Variants in CCSER1 observed in about 807,000 individuals in gnomAD.
The protein encoded by CCSER1 is coiled-coil serine rich protein 1.
A neutral mutation model predicts 82.0 loss-of-function variants in CCSER1; 41 were observed. The observed-to-expected ratio is 0.50, with a 90% CI of 0.39 to 0.65. The LOEUF is 0.65. Among genes scored for constraint, CCSER1 ranks in the 30% least tolerant of loss-of-function variants. CCSER1 has a pLI of 0.00. For synonymous variants in CCSER1, 414 were observed against 383.9 expected (o/e 1.08, Z -0.92); for missense variants, 1,119 against 1,064.2 (o/e 1.05, Z -0.72).
chr4:90,951,576 G>A (rs1398487165), intron 9 of CCSER1, among the ~76,000 whole-genome samples: 5 of 151,964 alleles, frequency 3.3e-5, no homozygotes, highest in Admixed American at 6.6e-5. Context: ...GGTTCACAAG[G>A]TTTTGTCAGA....
chr4:91,102,953 C>T (rs1725229345), intron 10 of CCSER1, among the ~76,000 whole-genome samples: 1 of 152,136 alleles, frequency 6.6e-6, no homozygotes, highest in African/African-American at 2.4e-5. Flanking sequence ...TGATACTTAT[C>T]ATATCATAGT....
intron 1 of CCSER1, among the ~76,000 whole-genome samples, chr4:90,130,305 C>G (rs1408171689): frequency 2.6e-5 from 4 of 152,078 alleles, no homozygotes; most frequent in Non-Finnish European, 5.9e-5. Flanking sequence ...GTTAACAACC[C>G]GTAACAATAA....
intron 1 of CCSER1, among the ~76,000 whole-genome samples, chr4:90,246,359 G>A (rs1314339479): frequency 6.6e-6 from 1 of 151,982 alleles, no homozygotes; most frequent in East Asian, 1.9e-4. Context: ...CTTTGTTTCT[G>A]TACTTATCAT....
At chr4:90,518,927 C>A (rs1413116471) in intron 5 of CCSER1, among the ~76,000 whole-genome samples, 1 of 151,706 alleles carries the variant, frequency 6.6e-6, no homozygotes, top group Non-Finnish European at 1.5e-5. Context: ...GTGTAGCAGA[C>A]AGTATTTGGG....
intron 1 of CCSER1, among the ~76,000 whole-genome samples, chr4:90,236,769 A>G (rs1396665851): frequency 2.0e-5 from 3 of 151,926 alleles, no homozygotes; most frequent in African/African-American, 2.4e-5. Context: ...ATGTAATTTT[A>G]TTAAAAAATT....
At chr4:90,433,276 G>A (rs1248234256) in intron 4 of CCSER1, among the ~76,000 whole-genome samples, 2 of 151,964 alleles carry the variant, frequency 1.3e-5, no homozygotes, top group Non-Finnish European at 2.9e-5. Flanking sequence ...AAGTGTTCGG[G>A]CCACCCTTGA....
chr4:90,169,466 A>G (rs1056391916), intron 1 of CCSER1, among the ~76,000 whole-genome samples: 10 of 151,978 alleles, frequency 6.6e-5, no homozygotes, highest in Non-Finnish European at 1.2e-4. Context: ...AATACCCTTT[A>G]TTTCCTTCTC....
chr4:90,596,559 A>G (rs1783368771), intron 5 of CCSER1, among the ~76,000 whole-genome samples: 1 of 151,920 alleles, frequency 6.6e-6, no homozygotes, highest in South Asian at 2.1e-4. Flanking sequence ...GTATCAGTTC[A>G]ATAAACTAGC....
chr4:91,454,546 C>T (rs1756045995), intron 10 of CCSER1, among the ~76,000 whole-genome samples: 1 of 151,954 alleles, frequency 6.6e-6, no homozygotes, highest in African/African-American at 2.4e-5. Flanking sequence ...GGCAAACTTC[C>T]TTTTGCCAAA....
At chr4:91,315,782 C>A (rs1335308057) in intron 10 of CCSER1, among the ~76,000 whole-genome samples, 1 of 152,006 alleles carries the variant, frequency 6.6e-6, no homozygotes, top group Non-Finnish European at 1.5e-5. Flanking sequence ...CAGTAGGCTT[C>A]ATACCAGACT....
chr4:91,463,986 T>C (rs1460347061), intron 10 of CCSER1, among the ~76,000 whole-genome samples: 1 of 152,080 alleles, frequency 6.6e-6, no homozygotes, highest in Non-Finnish European at 1.5e-5. Context: ...AACATTCAAA[T>C]TCAGGAAATA....
At chr4:90,767,363 A>AT (rs1252381988) in intron 7 of CCSER1, among the ~76,000 whole-genome samples, 4 of 152,094 alleles carry the variant, frequency 2.6e-5, no homozygotes, top group Non-Finnish European at 5.9e-5. Flanking sequence ...TGGATTTGCA[A>AT]TTTCACTGAT....
chr4:90,876,193 C>A (rs985437555), intron 8 of CCSER1, among the ~76,000 whole-genome samples: 7 of 152,046 alleles, frequency 4.6e-5, no homozygotes, highest in African/African-American at 1.4e-4. Context: ...TGTCTTTTCA[C>A]TCATCCCATT....
At chr4:91,164,025 C>T (rs1260107830) in intron 10 of CCSER1, among the ~76,000 whole-genome samples, 4 of 152,270 alleles carry the variant, frequency 2.6e-5, no homozygotes, top group East Asian at 1.9e-4. Flanking sequence ...TTCCAAGCAT[C>T]GATGGCCTTT....
At chr4:91,060,000 G>A (rs1343603719) in intron 9 of CCSER1, among the ~76,000 whole-genome samples, 1 of 151,960 alleles carries the variant, frequency 6.6e-6, no homozygotes, top group African/African-American at 2.4e-5. Context: ...TCATAGGTCA[G>A]GCTGCTGAGC....
intron 10 of CCSER1, among the ~76,000 whole-genome samples, chr4:91,087,339 A>G (rs368073278): frequency 1.3e-5 from 2 of 152,238 alleles, no homozygotes; most frequent in East Asian, 1.9e-4. Context: ...GCATTGCTAA[A>G]TGGTGCCAAA....
chr4:90,128,014 C>G (rs1722094103), intron 1 of CCSER1, among the ~76,000 whole-genome samples, 183 bp downstream of exon 1: 1 of 151,420 alleles, frequency 6.6e-6, no homozygotes, highest in Admixed American at 6.6e-5. Context: ...GCCTTGCGGG[C>G]GGGGTGGGAA....
At position 91,098,103 on chromosome 4, in the gene CCSER1, A is replaced by G. The variant is rs190941631; in HGVS notation, c.2217+12109A>G. ...TTTCCCAGCCCTGTTTTATATTTAC[A>G]TTCATTAATCATTGAAAATAATACT... On this transcript the variant is annotated intron_variant, in intron 10 of 10. Coordinates refer to ENST00000509176, the MANE Select transcript of CCSER1 (RefSeq NM_001145065.2). 6.2e-3 allele frequency among the ~76,000 whole-genome samples: 949 copies of G among 152,332 alleles called. 5 individuals carry two copies. Among genetic ancestry groups the G allele is most frequent in the Middle Eastern group, 0.034 (10 of 294 alleles).
intron 5 of CCSER1, among the ~76,000 whole-genome samples, chr4:90,600,858 C>T (rs1300335277): frequency 6.6e-6 from 1 of 151,854 alleles, no homozygotes; most frequent in Non-Finnish European, 1.5e-5. Flanking sequence ...CATAATATAT[C>T]TGTTTAGGTC....
Sources: allele counts gnomAD v4.1 joint callset (sites outside exome capture counted in the v4.1 genomes callset), GRCh38; gene constraint gnomAD v4.1.1; transcripts MANE v1.5; gene names NCBI Gene and HGNC (gene_info 2026-07-23, HGNC 2026-07-21).